The following BICC1 variants were observed in gnomAD, a reference collection of about 807,000 sequenced individuals.
BICC1 encodes BicC family RNA binding protein 1.
A neutral mutation model predicts 111.0 loss-of-function variants in BICC1; 43 were observed. That is an observed-to-expected ratio of 0.39 (90% CI 0.30 to 0.50). BICC1 has a LOEUF of 0.50. BICC1 is among the 20% of genes least tolerant of loss of function. The probability of loss-of-function intolerance (pLI) is 0.88; values close to 1 mark genes in which losing one functional copy is unlikely to be tolerated. For synonymous variants in BICC1, 467 were observed against 434.4 expected (o/e 1.07, Z -0.93); for missense variants, 1,091 against 1,203.2 (o/e 0.91, Z 1.38).
chr10:58,666,717 C>G (rs564818939), intron 2 of BICC1, among the ~76,000 whole-genome samples: 16 of 152,168 alleles, frequency 1.1e-4, no homozygotes, highest in African/African-American at 2.9e-4. Context: ...AATAGTGAGG[C>G]CTTCCTTTTA....
In BICC1 at chr10:58,513,476, G is replaced by A. The variant is rs767927498; in HGVS notation, c.190+143G>A. 7.5e-4 allele frequency: 577 copies of A among 767,880 alleles called. 1 individual carries two copies. The highest frequency in any genetic ancestry group is 1.3e-3 in the Admixed American group (36 of 28,512). The allele number at this position is 767,880 out of a possible 1,614,324, so 47.6% of individuals were successfully genotyped here. ...GGCCCGCTCCCCCGCGGAGCCGGAG[G>A]ACACCCAGGGACTGGAGACTTCGCG... On this transcript the variant is annotated intron_variant, in intron 1 of 20. Transcript: ENST00000373886.
chr10:58,629,580 A>G (rs1837733123), intron 2 of BICC1, among the ~76,000 whole-genome samples: 1 of 152,186 alleles, frequency 6.6e-6, no homozygotes, highest in East Asian at 1.9e-4. Flanking sequence ...TAATATACTA[A>G]ATAAATGTAT....
chr10:58,762,066 G>C (rs1842331110), intron 3 of BICC1, among the ~76,000 whole-genome samples: 1 of 152,066 alleles, frequency 6.6e-6, no homozygotes, highest in African/African-American at 2.4e-5. Context: ...CGCTCTCAGT[G>C]CTGGCTCCTC....
intron 1 of BICC1, among the ~76,000 whole-genome samples, chr10:58,603,227 G>A (rs1845100308): frequency 6.6e-6 from 1 of 152,112 alleles, no homozygotes; most frequent in Admixed American, 6.5e-5. Flanking sequence ...ACATTTCTCT[G>A]TAATCATGGG....
chr10:58,696,338 T>TA (rs963752205), intron 2 of BICC1, among the ~76,000 whole-genome samples: 4 of 151,748 alleles, frequency 2.6e-5, no homozygotes, highest in African/African-American at 7.3e-5. Flanking sequence ...AGATGAAATA[T>TA]AAAAAAAAAT....
At chr10:58,712,314 G>A (rs1840601029) in intron 3 of BICC1, among the ~76,000 whole-genome samples, 1 of 152,162 alleles carries the variant, frequency 6.6e-6, no homozygotes, top group Non-Finnish European at 1.5e-5. Context: ...AATTAAACAT[G>A]CTGTTACCAT....
chr10:58,827,910 A>T (rs1844446139), intron 20 of BICC1, among the ~76,000 whole-genome samples: 1 of 152,018 alleles, frequency 6.6e-6, no homozygotes, highest in South Asian at 2.1e-4. Flanking sequence ...TTCTCAACCT[A>T]CTCAACGTGA....
chr10:58,657,321 T>A (rs1838690579), intron 2 of BICC1, among the ~76,000 whole-genome samples: 1 of 152,310 alleles, frequency 6.6e-6, no homozygotes, highest in South Asian at 2.1e-4. Context: ...CATGCATCAC[T>A]GCTCTGCATT....
intron 1 of BICC1, among the ~76,000 whole-genome samples, chr10:58,549,896 C>G (rs1471723853): frequency 6.6e-6 from 1 of 151,822 alleles, no homozygotes; most frequent in Non-Finnish European, 1.5e-5. Context: ...CCATGTTGCC[C>G]AGACTGGTCT....
At chr10:58,706,103 C>T (rs1840379865) in intron 3 of BICC1, among the ~76,000 whole-genome samples, 1 of 152,128 alleles carries the variant, frequency 6.6e-6, no homozygotes, top group African/African-American at 2.4e-5. Context: ...AGAACAGTCT[C>T]CTTTACATTG....
intron 1 of BICC1, among the ~76,000 whole-genome samples, chr10:58,539,069 A>T (rs922704009): frequency 6.6e-6 from 1 of 151,802 alleles, no homozygotes; most frequent in Non-Finnish European, 1.5e-5. Flanking sequence ...ATGGAAAGGA[A>T]ATCAATATAT....
chr10:58,704,891 C>T (rs1263244945), intron 3 of BICC1, among the ~76,000 whole-genome samples: 1 of 152,214 alleles, frequency 6.6e-6, no homozygotes. Flanking sequence ...TTCGTGGTCG[C>T]TGTTACCACA....
intron 2 of BICC1, among the ~76,000 whole-genome samples, chr10:58,681,578 G>A (rs1234040179): frequency 2.0e-5 from 3 of 152,206 alleles, no homozygotes; most frequent in South Asian, 4.1e-4. Context: ...TTCAGCCATT[G>A]TGGAAGACAC....
At position 58,807,136 on chromosome 10, in the gene BICC1, C is replaced by A. The variant is rs1843733019; in HGVS notation, c.2354C>A (p.Pro785His). The change falls in exon 17 of 21, where the codon CCC becomes CAC. Residue 785 changes from proline (P) to histidine (H), a missense_variant. Around this residue, in one of 3 missense-constraint regions of BICC1, gnomAD observed 231 missense variants for 256.2 expected, o/e 0.90. Transcript: ENST00000373886. ...LRRANHVSYK[P>H]TMTTTYEGSS... ...AGGGCCAATCATGTGTCCTATAAGC[C>A]CACAATGACAACCACTTATGAGGTT... is the stretch of plus-strand genomic sequence containing the variant. The A allele has an allele frequency of 1.9e-6, 3 of 1,613,438 alleles. No individual in the cohort carries two copies. Among genetic ancestry groups the A allele is most frequent in the Non-Finnish European group, 2.5e-6 (3 of 1,179,750 alleles).
intron 20 of BICC1, among the ~76,000 whole-genome samples, chr10:58,828,099 G>A (rs1844452647): frequency 1.3e-5 from 2 of 152,126 alleles, no homozygotes; most frequent in Non-Finnish European, 2.9e-5. Context: ...TAAGGCTGCT[G>A]GGCAACAGTA....
chr10:58,570,953 G>A (rs941532655), intron 1 of BICC1, among the ~76,000 whole-genome samples: 7 of 152,088 alleles, frequency 4.6e-5, no homozygotes, highest in African/African-American at 7.2e-5. Flanking sequence ...TGCTCTTTTT[G>A]GGTAGAAATG....
At chr10:58,574,728 A>G (rs1436528657) in intron 1 of BICC1, among the ~76,000 whole-genome samples, 1 of 152,198 alleles carries the variant, frequency 6.6e-6, no homozygotes, top group Non-Finnish European at 1.5e-5. Flanking sequence ...TTTTAAAAAT[A>G]ACATAAAACT....
At chr10:58,684,030 T>C (rs1839627617) in intron 2 of BICC1, among the ~76,000 whole-genome samples, 1 of 152,220 alleles carries the variant, frequency 6.6e-6, no homozygotes, top group Non-Finnish European at 1.5e-5. Flanking sequence ...ATAGCTTTTA[T>C]TATTTTGAGA....
intron 3 of BICC1, among the ~76,000 whole-genome samples, chr10:58,706,794 C>G (rs892433743): frequency 1.3e-5 from 2 of 152,160 alleles, no homozygotes; most frequent in African/African-American, 4.8e-5. Context: ...TGAGGCCTCC[C>G]CAGGCATGCA....
Sources: allele counts gnomAD v4.1 joint callset (sites outside exome capture counted in the v4.1 genomes callset), GRCh38; gene constraint gnomAD v4.1.1; regional missense constraint gnomAD v4.1.1; transcripts MANE v1.5; gene names NCBI Gene and HGNC (gene_info 2026-07-23, HGNC 2026-07-21).